The following PPP3CB variants were observed in gnomAD, a reference collection of about 807,000 sequenced individuals.
The protein encoded by PPP3CB is serine/threonine-protein phosphatase 2B catalytic subunit beta isoform.
A neutral mutation model predicts 66.4 loss-of-function variants in PPP3CB; 8 were observed. The ratio of observed to expected loss-of-function variants is 0.12; its 90% CI spans 0.07 to 0.22. The LOEUF is 0.22. Ranked by LOEUF, PPP3CB falls within the 10% of genes least tolerant of loss-of-function variation. The pLI, the probability that PPP3CB is intolerant of heterozygous loss-of-function variation, is 1.00. For missense variants in PPP3CB, 319 were observed against 642.5 expected, an observed-to-expected ratio of 0.50 and a Z score of 5.44; for synonymous variants, 208 against 221.2, an observed-to-expected ratio of 0.94 and a Z score of 0.53.
chr10:73,441,079 A>G (rs952376536), intron 12 of PPP3CB, among the ~76,000 whole-genome samples: 32 of 152,186 alleles, frequency 2.1e-4, no homozygotes, highest in Non-Finnish European at 1.0e-4. Flanking sequence ...CAATAAGGCC[A>G]ATTAGAATAA....
chr10:73,467,260 C>T (rs2056632960), intron 9 of PPP3CB: 1 of 171,382 alleles, frequency 5.8e-6, no homozygotes, highest in African/African-American at 2.4e-5. Context: ...TCTCTCCACC[C>T]CTTCATAAAA....
chr10:73,470,853 G>C, intron 7 of PPP3CB, 34 bp downstream of exon 7: 1 of 1,591,330 alleles, frequency 6.3e-7, no homozygotes, highest in Non-Finnish European at 8.6e-7. Flanking sequence ...TATATTTTAG[G>C]TGTTAATTTG....
chr10:73,438,500 GAAGA>G (rs773768234), intron 13 of PPP3CB, 80 bp from the exon 14 acceptor site: 7 of 1,344,222 alleles, frequency 5.2e-6, no homozygotes, highest in African/African-American at 1.5e-5. Context: ...TGATTTTTAA[GAAGA>G]AAGAAATTAG....
At chr10:73,493,210 A>C (rs2133057393) in intron 1 of PPP3CB, among the ~76,000 whole-genome samples, 1 of 149,784 alleles carries the variant, frequency 6.7e-6, no homozygotes, top group South Asian at 2.2e-4. Context: ...CAGGAGGCAG[A>C]GGTTGCAGTG....
chr10:73,464,587 G>C (rs532872789), intron 9 of PPP3CB, among the ~76,000 whole-genome samples: 5 of 152,112 alleles, frequency 3.3e-5, no homozygotes, highest in Non-Finnish European at 7.4e-5. Flanking sequence ...GAATTTTTCT[G>C]AAGCAAAAGT....
At chr10:73,464,026 G>A (rs1041197216) in intron 9 of PPP3CB, among the ~76,000 whole-genome samples, 1 of 151,702 alleles carries the variant, frequency 6.6e-6, no homozygotes, top group Non-Finnish European at 1.5e-5. Flanking sequence ...CACCTCCTGG[G>A]TTCAAGCAAT....
chr10:73,477,158 C>T (rs549835561), intron 3 of PPP3CB: 34 of 518,728 alleles, frequency 6.6e-5, no homozygotes, highest in Non-Finnish European at 1.2e-4. Flanking sequence ...CAGTACTTAC[C>T]TCATTAATAT....
chr10:73,489,698 G>A (rs2057041737), intron 1 of PPP3CB, among the ~76,000 whole-genome samples: 1 of 152,166 alleles, frequency 6.6e-6, no homozygotes, highest in Non-Finnish European at 1.5e-5. Context: ...ACTATATACT[G>A]CTATACTGCT....
chr10:73,480,135 G>A (rs554811959), intron 1 of PPP3CB, among the ~76,000 whole-genome samples: 58 of 152,294 alleles, frequency 3.8e-4, no homozygotes, highest in African/African-American at 1.3e-3. Flanking sequence ...CACTTTTAGA[G>A]ATATAGACCA....
intron 9 of PPP3CB, among the ~76,000 whole-genome samples, chr10:73,460,944 A>G (rs1201966262): frequency 6.6e-6 from 1 of 152,212 alleles, no homozygotes; most frequent in Non-Finnish European, 1.5e-5. Flanking sequence ...GGGCAGTGCC[A>G]AGGGAAAATG....
At chr10:73,454,738 T>C (rs989550405) in intron 9 of PPP3CB, among the ~76,000 whole-genome samples, 23 of 146,358 alleles carry the variant, frequency 1.6e-4, no homozygotes, top group African/African-American at 5.1e-4. Flanking sequence ...AAAAAAAAAA[T>C]GAAGCCCCAT....
At position 73,479,432 on chromosome 10, in the gene PPP3CB, G is replaced by A. The variant is rs1404191269; in HGVS notation, c.171C>T (p.Asn57=). The change falls in exon 2 of 14, where the codon AAC becomes AAT. Residue 57 remains asparagine (N), a synonymous_variant. Coordinates refer to ENST00000360663, the MANE Select transcript of PPP3CB (RefSeq NM_021132.4). ...DGIPRVDVLK[N]HLVKEGRVDE... The stretch of plus-strand genomic sequence containing the variant: ...CTACTCGACCTTCTTTCACCAAGTG[G>A]TTCTTCAGAACATCAACCCTGGGTA... The A allele has an allele frequency of 1.2e-6, 2 of 1,613,936 alleles. No homozygotes were observed. Among genetic ancestry groups the A allele is most frequent in the Non-Finnish European group, 1.7e-6 (2 of 1,179,980 alleles).
chr10:73,481,575 T>C (rs921133896), intron 1 of PPP3CB, among the ~76,000 whole-genome samples: 5 of 150,868 alleles, frequency 3.3e-5, no homozygotes, highest in African/African-American at 1.2e-4. Context: ...ACAGAGAAGC[T>C]TGGAAATGTA....
chr10:73,439,859 A>G lies in PPP3CB; in HGVS notation c.1396+13T>C. 1 of 1,612,548 alleles carries G rather than the reference A, an allele frequency of 6.2e-7. No individual in the cohort carries two copies. Among genetic ancestry groups the G allele is most frequent in the Non-Finnish European group, 8.5e-7 (1 of 1,178,694 alleles). ...CCACAGATCTCTGCCCAGCACAAGG[A>G]CTCTGATCATACCTTTTTCAGCCTC... On this transcript the variant is annotated intron_variant, in intron 13 of 13. Coordinates refer to ENST00000360663, the MANE Select transcript of PPP3CB (RefSeq NM_021132.4).
intron 2 of PPP3CB, among the ~76,000 whole-genome samples, chr10:73,478,988 A>T (rs12762275): frequency 6.6e-6 from 1 of 152,222 alleles, no homozygotes; most frequent in Non-Finnish European, 1.5e-5. Context: ...CTAAATGGTC[A>T]CTTTTGGTAT....
At chr10:73,487,564 C>CAAAAAAAAAAAAAAAAAAAACA (rs2057001157) in intron 1 of PPP3CB, among the ~76,000 whole-genome samples, 1 of 65,166 alleles carries the variant, frequency 1.5e-5, no homozygotes, top group Non-Finnish European at 3.0e-5. Context: ...AAACCAAAAC[C>CAAAAAAAAAAAAAAAAAAAACA]AAAAAAAAAA....
chr10:73,442,045 T>C (rs1488044573), intron 12 of PPP3CB, among the ~76,000 whole-genome samples: 1 of 152,196 alleles, frequency 6.6e-6, no homozygotes, highest in Admixed American at 6.5e-5. Context: ...TAAAAAATAA[T>C]CACAAACATG....
At chr10:73,488,552 T>TAAA (rs74262587) in intron 1 of PPP3CB, among the ~76,000 whole-genome samples, 6 of 84,728 alleles carry the variant, frequency 7.1e-5, no homozygotes, top group Admixed American at 1.3e-4. Flanking sequence ...TCTTGAGGGT[T>TAAA]AAAAAAAAAA....
At chr10:73,491,792 ATGT>A (rs1341388571) in intron 1 of PPP3CB, among the ~76,000 whole-genome samples, 1 of 151,992 alleles carries the variant, frequency 6.6e-6, no homozygotes, top group East Asian at 1.9e-4. Context: ...ACATGGAGAA[ATGT>A]CGTCTCTACT....
Sources: gnomAD v4.1 joint callset for allele counts (sites outside exome capture counted in the v4.1 genomes callset) on GRCh38, gnomAD v4.1.1 for gene constraint, MANE v1.5 for transcripts, NCBI Gene and HGNC (gene_info 2026-07-23, HGNC 2026-07-21) for gene names.